Variants in SLX4IP observed in about 807,000 individuals in gnomAD.
The protein encoded by SLX4IP is SLX4 interacting protein, also known as protein SLX4IP.
A neutral mutation model predicts 32.9 loss-of-function variants in SLX4IP; 34 were observed. The ratio of observed to expected loss-of-function variants is 1.03; its 90% confidence interval spans 0.79 to 1.38. The LOEUF is 1.38. Among genes scored for constraint, SLX4IP ranks in the 40% most tolerant of loss-of-function variants. The probability of loss-of-function intolerance (pLI) is 0.00; values close to 1 mark genes in which losing one functional copy is unlikely to be tolerated. For synonymous variants in SLX4IP, 172 were observed against 171.7 expected, an observed-to-expected ratio of 1.00 and a Z score of -0.01; for missense variants, 444 against 479.0, an observed-to-expected ratio of 0.93 and a Z score of 0.68.
chr20:10,601,167 A>T (rs1418953632), intron 5 of SLX4IP, among the ~76,000 whole-genome samples: 1 of 152,196 alleles, frequency 6.6e-6, no homozygotes, highest in Non-Finnish European at 1.5e-5. Flanking sequence ...TTTATTGTAT[A>T]TTTAACCATT....
At chr20:10,480,859 G>T (rs1297119407) in intron 2 of SLX4IP, among the ~76,000 whole-genome samples, 2 of 152,184 alleles carry the variant, frequency 1.3e-5, no homozygotes, top group Non-Finnish European at 2.9e-5. Flanking sequence ...GCTGGGTGTA[G>T]TAGTCTTGGC....
At chr20:10,589,748 G>C (rs1041627057) in intron 4 of SLX4IP, among the ~76,000 whole-genome samples, 1 of 151,898 alleles carries the variant, frequency 6.6e-6, no homozygotes, top group East Asian at 1.9e-4. Context: ...ATATGATTTC[G>C]TTTTTGTAGA....
intron 4 of SLX4IP, among the ~76,000 whole-genome samples, chr20:10,571,925 TA>T (rs2066470994): frequency 6.6e-6 from 1 of 152,214 alleles, no homozygotes; most frequent in Admixed American, 6.5e-5. Flanking sequence ...TACCCCAGTG[TA>T]AGATTAGGCT....
intron 1 of SLX4IP, among the ~76,000 whole-genome samples, chr20:10,454,306 A>G (rs776821601): frequency 2.0e-5 from 3 of 152,136 alleles, no homozygotes; most frequent in Non-Finnish European, 4.4e-5. Context: ...CTATGTCAGT[A>G]TTTTTAGACA....
intron 2 of SLX4IP, among the ~76,000 whole-genome samples, chr20:10,530,041 G>A (rs1401525622): frequency 1.3e-5 from 2 of 152,146 alleles, no homozygotes; most frequent in Non-Finnish European, 2.9e-5. Context: ...CACAGAGAAT[G>A]GTGGTTCCCA....
intron 4 of SLX4IP, among the ~76,000 whole-genome samples, chr20:10,575,784 C>G (rs2066517343): frequency 6.6e-6 from 1 of 151,926 alleles, no homozygotes; most frequent in African/African-American, 2.4e-5. Flanking sequence ...CCAGGACCTC[C>G]CATCATAATG....
chr20:10,479,891 C>T (rs1301194632), intron 2 of SLX4IP, among the ~76,000 whole-genome samples: 1 of 151,784 alleles, frequency 6.6e-6, no homozygotes, highest in African/African-American at 2.4e-5. Context: ...GTAATCCCAG[C>T]CACTCGGGAG....
intron 5 of SLX4IP, among the ~76,000 whole-genome samples, chr20:10,600,429 G>A (rs527292474): frequency 6.6e-5 from 10 of 152,236 alleles, no homozygotes; most frequent in Non-Finnish European, 1.5e-4. Flanking sequence ...TCTTTTTTTA[G>A]AACTGTTAAC....
chr20:10,565,067 C>G (rs1288962515), intron 4 of SLX4IP, among the ~76,000 whole-genome samples: 3 of 151,822 alleles, frequency 2.0e-5, no homozygotes, highest in South Asian at 2.1e-4. Context: ...TTGTCACTCC[C>G]TTGGTCGAGG....
chr20:10,579,673 G>T (rs577231717), intron 4 of SLX4IP, among the ~76,000 whole-genome samples: 2 of 152,090 alleles, frequency 1.3e-5, no homozygotes, highest in African/African-American at 2.4e-5. Flanking sequence ...TGATCCACCC[G>T]CCTTGACCTC....
intron 6 of SLX4IP, among the ~76,000 whole-genome samples, chr20:10,604,373 G>C (rs1413112792): frequency 6.6e-6 from 1 of 151,970 alleles, no homozygotes; most frequent in East Asian, 1.9e-4. Flanking sequence ...CTGTAGCCTT[G>C]AGAGCACACA....
chr20:10,622,733 G>A lies in SLX4IP; in HGVS notation c.581G>A (p.Ser194Asn), dbSNP rs774237140. Residue 194 changes from serine to asparagine, a missense_variant, in exon 8 of 8, where the codon AGT becomes AAT. By Grantham distance (46) the Ser-to-Asn change is conservative. Transcript: ENST00000334534. ...AGAAGAGACACTGTGGAAACATCTA[G>A]TGACTCAGTGATTGCAGAGATAGCA... ...QTRRDTVETS[S>N]DSVIAEIARR... The A allele has an allele frequency of 3.7e-6, 6 of 1,613,994 alleles. No individual in the cohort carries two copies. Among genetic ancestry groups the A allele is most frequent in the Non-Finnish European group, 5.1e-6 (6 of 1,180,036 alleles).
intron 4 of SLX4IP, among the ~76,000 whole-genome samples, chr20:10,563,339 T>G (rs1316381097): frequency 2.0e-5 from 3 of 152,266 alleles, no homozygotes; most frequent in African/African-American, 7.2e-5. Context: ...AAATACTGTC[T>G]TCCATTCTAC....
At chr20:10,484,307 G>T (rs1298878344) in intron 2 of SLX4IP, among the ~76,000 whole-genome samples, 2 of 151,974 alleles carry the variant, frequency 1.3e-5, no homozygotes, top group Non-Finnish European at 2.9e-5. Flanking sequence ...TGGTCTTTAG[G>T]TTATAGATAG....
At chr20:10,536,710 C>G (rs1206635956) in intron 2 of SLX4IP, among the ~76,000 whole-genome samples, 1 of 152,160 alleles carries the variant, frequency 6.6e-6, no homozygotes, top group Non-Finnish European at 1.5e-5. Context: ...AACTCAAGCT[C>G]GATTTTCACT....
At chr20:10,451,328 C>T (rs1429499223) in intron 1 of SLX4IP, among the ~76,000 whole-genome samples, 1 of 151,638 alleles carries the variant, frequency 6.6e-6, no homozygotes, top group East Asian at 2.0e-4. Flanking sequence ...GCCTGCCTAA[C>T]TTTTGTATTT....
chr20:10,497,962 C>T (rs2065682963), intron 2 of SLX4IP, among the ~76,000 whole-genome samples: 1 of 151,746 alleles, frequency 6.6e-6, no homozygotes. Flanking sequence ...ACTCCTTCAC[C>T]ATGGAGTCTA....
At chr20:10,607,218 G>A (rs4813035) in intron 6 of SLX4IP, among the ~76,000 whole-genome samples, 61,450 of 151,914 alleles carry the variant, frequency 0.4, 13,002 homozygotes, top group East Asian at 0.52. Context: ...TGACAATGAG[G>A]CATCTGTAGG....
chr20:10,518,502 C>T (rs13037023), intron 2 of SLX4IP, among the ~76,000 whole-genome samples: 1 of 58,414 alleles, frequency 1.7e-5, no homozygotes, highest in Non-Finnish European at 3.6e-5. Context: ...TCCTTCCTTC[C>T]TTCCTTCCTT....
Sources: allele counts gnomAD v4.1 joint callset (sites outside exome capture counted in the v4.1 genomes callset), GRCh38; gene constraint gnomAD v4.1.1; transcripts MANE v1.5; gene names NCBI Gene and HGNC (gene_info 2026-07-23, HGNC 2026-07-21).